Variants in JAM3 observed in about 807,000 individuals in gnomAD.
JAM3 encodes the protein junctional adhesion molecule 3.
In JAM3, 31 loss-of-function variants were observed where a neutral mutation model predicts 39.4. The ratio of observed to expected loss-of-function variants is 0.79; its 90% CI spans 0.59 to 1.06. JAM3 has a LOEUF of 1.06. JAM3 is among the 50% of genes least tolerant of loss of function. The pLI is 0.00. For missense variants in JAM3, 455 were observed against 391.4 expected (o/e 1.16, Z -1.37); for synonymous variants, 182 against 148.7 (o/e 1.22, Z -1.63).
chr11:134,089,348 A>G (rs547318291), intron 1 of JAM3, among the ~76,000 whole-genome samples: 2 of 152,004 alleles, frequency 1.3e-5, no homozygotes, highest in Non-Finnish European at 2.9e-5. Flanking sequence ...TTTAGGGTAC[A>G]TGTGCACAGC....
chr11:134,143,474 T>C (rs1943011583), intron 3 of JAM3, among the ~76,000 whole-genome samples: 1 of 152,226 alleles, frequency 6.6e-6, no homozygotes, highest in South Asian at 2.1e-4. Context: ...GCTCAAATAA[T>C]CCTCCCACCT....
intron 1 of JAM3, among the ~76,000 whole-genome samples, chr11:134,115,985 T>C (rs1175174564): frequency 2.0e-5 from 3 of 152,178 alleles, no homozygotes; most frequent in African/African-American, 7.2e-5. Context: ...TATAATATCA[T>C]CATGACATGT....
At chr11:134,135,613 C>G (rs866138644) in intron 1 of JAM3, among the ~76,000 whole-genome samples, 1 of 151,736 alleles carries the variant, frequency 6.6e-6, no homozygotes, top group African/African-American at 2.4e-5. Flanking sequence ...TCTCAGCTCA[C>G]TGTAACCCCC....
intron 1 of JAM3, among the ~76,000 whole-genome samples, chr11:134,078,544 G>A (rs1941611119): frequency 6.6e-6 from 1 of 152,210 alleles, no homozygotes; most frequent in African/African-American, 2.4e-5. Flanking sequence ...TTCCTTGTGA[G>A]ACATGGAATA....
chr11:134,125,880 GA>G (rs1942639536), intron 1 of JAM3, among the ~76,000 whole-genome samples: 1 of 152,164 alleles, frequency 6.6e-6, no homozygotes, highest in South Asian at 2.1e-4. Flanking sequence ...GGCCTCTTCA[GA>G]AAAAGCACCC....
In JAM3 at chr11:134,116,444, G is replaced by T. The variant is rs486017; in HGVS notation, c.77-23407G>T. Among the ~76,000 whole-genome samples the T allele has an allele frequency of 5.3e-5, 8 of 151,944 alleles. No homozygotes were observed. In the East Asian group the frequency reaches 9.6e-4, roughly 18 times the overall value. ...TTATGCATATTAGTGTGGATTTATGGGTATTGTATTCTTTGTATTATAATC... is the reference window on the plus strand; with the variant it reads ...TTATGCATATTAGTGTGGATTTATGTGTATTGTATTCTTTGTATTATAATC... On this transcript the variant is annotated intron_variant, in intron 1 of 8. Coordinates refer to ENST00000299106, the MANE Select transcript of JAM3 (RefSeq NM_032801.5).
At chr11:134,107,101 G>A (rs1413889139) in intron 1 of JAM3, among the ~76,000 whole-genome samples, 1 of 152,198 alleles carries the variant, frequency 6.6e-6, no homozygotes, top group African/African-American at 2.4e-5. Flanking sequence ...ATCAATGATA[G>A]ACTGGATTAA....
At chr11:134,094,267 A>C (rs1277957003) in intron 1 of JAM3, among the ~76,000 whole-genome samples, 31 of 92,682 alleles carry the variant, frequency 3.3e-4, no homozygotes, top group South Asian at 8.3e-4. Flanking sequence ...TTCCACCTTA[A>C]ACGTCACTTC....
At chr11:134,101,867 G>A (rs1942080572) in intron 1 of JAM3, among the ~76,000 whole-genome samples, 1 of 152,130 alleles carries the variant, frequency 6.6e-6, no homozygotes, top group Non-Finnish European at 1.5e-5. Flanking sequence ...AGGAGTTTGA[G>A]ACTAGCTTGG....
chr11:134,088,524 T>C (rs1274815614), intron 1 of JAM3, among the ~76,000 whole-genome samples: 1 of 152,162 alleles, frequency 6.6e-6, no homozygotes, highest in African/African-American at 2.4e-5. Context: ...CAAAATCTAT[T>C]TTACATGTAC....
intron 3 of JAM3, among the ~76,000 whole-genome samples, chr11:134,143,972 A>T (rs1017296109): frequency 6.6e-6 from 1 of 151,876 alleles, no homozygotes; most frequent in Admixed American, 6.6e-5. Context: ...GAGGAGGAGG[A>T]GGTGAAGTTC....
chr11:134,135,082 TGAA>T (rs1356228828), intron 1 of JAM3, among the ~76,000 whole-genome samples: 1 of 152,224 alleles, frequency 6.6e-6, no homozygotes. Flanking sequence ...CCCAGTGTCA[TGAA>T]GATGTTTCTC....
At chr11:134,131,149 G>T (rs1360354475) in intron 1 of JAM3, among the ~76,000 whole-genome samples, 1 of 141,006 alleles carries the variant, frequency 7.1e-6, no homozygotes, top group African/African-American at 2.6e-5. Context: ...TCTAGATTCA[G>T]AATAAGCCTA....
intron 1 of JAM3, among the ~76,000 whole-genome samples, chr11:134,102,565 C>T (rs543840472): frequency 1.3e-4 from 20 of 152,064 alleles, no homozygotes; most frequent in African/African-American, 2.2e-4. Context: ...CAGACTTCTC[C>T]GAGCTAAAGG....
At chr11:134,078,663 C>A (rs1941613109) in intron 1 of JAM3, among the ~76,000 whole-genome samples, 3 of 152,208 alleles carry the variant, frequency 2.0e-5, no homozygotes, top group Non-Finnish European at 4.4e-5. Context: ...TCACCTGTTT[C>A]CCCTCTCTTA....
chr11:134,132,761 C>T (rs1485429396), intron 1 of JAM3, among the ~76,000 whole-genome samples: 2 of 152,256 alleles, frequency 1.3e-5, no homozygotes, highest in East Asian at 1.9e-4. Context: ...CCAGGGAGGA[C>T]CCCTGGAGAT....
chr11:134,113,507 A>G (rs1942359069), intron 1 of JAM3, among the ~76,000 whole-genome samples: 1 of 152,120 alleles, frequency 6.6e-6, no homozygotes, highest in Admixed American at 6.5e-5. Context: ...CCATATCCCA[A>G]CAAAGGACAT....
chr11:134,112,515 ATATACT>A (rs1942335113), intron 1 of JAM3, among the ~76,000 whole-genome samples: 1 of 152,200 alleles, frequency 6.6e-6, no homozygotes, highest in Non-Finnish European at 1.5e-5. Context: ...GCTGACACAG[ATATACT>A]TAATTATGTA....
In JAM3 at chr11:134,143,252, G is replaced by T. The variant is rs117678455; in HGVS notation, c.257-989G>T. ...CACATCCTTACCAACACTTGTTATT[G>T]TCTGACTTGTTAAGTTCTAGCCATC... On this transcript the variant is annotated intron_variant, in intron 3 of 8. Transcript: ENST00000299106. Among the ~76,000 whole-genome samples, 1,461 of 152,264 alleles carry T rather than the reference G, an allele frequency of 9.6e-3. 18 individuals are homozygous for T. The highest frequency in any genetic ancestry group is 0.041 in the Middle Eastern group (12 of 294).
Sources: allele counts gnomAD v4.1 joint callset (sites outside exome capture counted in the v4.1 genomes callset), GRCh38; gene constraint gnomAD v4.1.1; transcripts MANE v1.5; gene names NCBI Gene and HGNC (gene_info 2026-07-23, HGNC 2026-07-21).